The following UNC80 variants were observed in gnomAD, a reference collection of about 807,000 sequenced individuals.
UNC80 encodes unc-80 subunit of NALCN channel complex.
In UNC80, 164 loss-of-function variants were observed where a neutral mutation model predicts 384.6. The observed-to-expected ratio is 0.43, with a 90% confidence interval of 0.38 to 0.49. UNC80 has a LOEUF of 0.49. UNC80 is among the 20% of genes least tolerant of loss of function. The pLI, the probability that UNC80 is intolerant of heterozygous loss-of-function variation, is 0.00. For missense variants in UNC80, 3,330 were observed against 4,143.0 expected (o/e 0.80, Z 5.39); for synonymous variants, 1,486 against 1,527.8 (o/e 0.97, Z 0.64).
At chr2:209,954,767 T>A (rs921034323) in intron 48 of UNC80, among the ~76,000 whole-genome samples, 4 of 152,210 alleles carry the variant, frequency 2.6e-5, no homozygotes, top group Non-Finnish European at 4.4e-5. Flanking sequence ...AACAGCAGAA[T>A]GTTATCCTAC....
At chr2:209,825,857 C>T (rs1351847288) in intron 13 of UNC80, 50 bp from the exon 14 acceptor site, 27 of 1,447,970 alleles carry the variant, frequency 1.9e-5, no homozygotes, top group Non-Finnish European at 2.1e-5. Context: ...AAAAGGACCT[C>T]AGTGACAAAG....
chr2:209,883,623 T>C (rs2085499019), intron 25 of UNC80, among the ~76,000 whole-genome samples: 1 of 151,862 alleles, frequency 6.6e-6, no homozygotes, highest in Non-Finnish European at 1.5e-5. Flanking sequence ...TTAGTAGAGA[T>C]GGGGTTTCAC....
Position 209,918,649 on chromosome 2 carries a change from A to T in UNC80, c.5329A>T (p.Asn1777Tyr). 1 of 1,548,280 alleles carries T rather than the reference A, an allele frequency of 6.5e-7. No individual in the cohort carries two copies. Among genetic ancestry groups the T allele is most frequent in the Non-Finnish European group, 8.7e-7 (1 of 1,144,662 alleles). The change falls in exon 33 of 65, where the codon AAT (asparagine) becomes TAT (tyrosine). Residue 1777 changes from asparagine to tyrosine, a missense_variant. Asn to Tyr is a moderately radical substitution (Grantham distance 143). Coordinates refer to ENST00000673920, the MANE Select transcript of UNC80 (RefSeq NM_001371986.1). The stretch of plus-strand genomic sequence containing the variant: ...CAGCGGGAGTGTCCAGGACCCCATT[A>T]ATGAAGACCAGTCTGTGAGTAACAG... Reference protein sequence around the residue: ...QCSGSVQDPINEDQSKSFSAR... With the variant: ...QCSGSVQDPIYEDQSKSFSAR...
intron 51 of UNC80, among the ~76,000 whole-genome samples, chr2:209,964,555 G>C (rs1013114475): frequency 4.6e-5 from 7 of 152,048 alleles, no homozygotes; most frequent in Non-Finnish European, 8.8e-5. Context: ...TTGGGAGGAC[G>C]AGTTGGGCAG....
intron 4 of UNC80, among the ~76,000 whole-genome samples, chr2:209,781,062 C>T (rs1396760561): frequency 6.6e-6 from 1 of 152,182 alleles, no homozygotes; most frequent in African/African-American, 2.4e-5. Context: ...CCACTCAGCA[C>T]TTAGTGTTGC....
At chr2:209,979,714 C>T (rs2093110264) in intron 59 of UNC80, among the ~76,000 whole-genome samples, 1 of 152,128 alleles carries the variant, frequency 6.6e-6, no homozygotes. Flanking sequence ...CTTAATATTG[C>T]ATTAATTATT....
chr2:209,899,576 G>A (rs2087165549), intron 28 of UNC80, among the ~76,000 whole-genome samples: 1 of 152,148 alleles, frequency 6.6e-6, no homozygotes, highest in Admixed American at 6.5e-5. Flanking sequence ...CAACAAAGAA[G>A]CAGATCACCT....
intron 4 of UNC80, 147 bp from the exon 5 acceptor site, chr2:209,785,919 C>T: frequency 1.1e-6 from 1 of 890,282 alleles, no homozygotes. Flanking sequence ...ACTCTAGAAA[C>T]ATTCATCTGA....
chr2:209,927,726 C>G (rs900474153), intron 36 of UNC80, among the ~76,000 whole-genome samples: 9 of 152,162 alleles, frequency 5.9e-5, no homozygotes, highest in African/African-American at 2.2e-4. Flanking sequence ...AACAGAGTTT[C>G]ATGATATGTA....
At chr2:209,783,597 A>T (rs1423321041) in intron 4 of UNC80, among the ~76,000 whole-genome samples, 1 of 152,162 alleles carries the variant, frequency 6.6e-6, no homozygotes, top group African/African-American at 2.4e-5. Context: ...CTACTTGGAG[A>T]TGTATTTAGT....
intron 56 of UNC80, among the ~76,000 whole-genome samples, chr2:209,975,670 T>C (rs1158004294): frequency 6.6e-6 from 1 of 152,240 alleles, no homozygotes; most frequent in African/African-American, 2.4e-5. Flanking sequence ...AACACAAATA[T>C]TTATTTTTAT....
chr2:209,995,144 A>G (rs1306062291), intron 64 of UNC80, among the ~76,000 whole-genome samples, 185 bp from the exon 65 acceptor site: 3 of 152,242 alleles, frequency 2.0e-5, no homozygotes, highest in Non-Finnish European at 4.4e-5. Context: ...TTCATGTTAC[A>G]TGTTCAAAAA....
chr2:209,930,124 A>G (rs996776723), intron 37 of UNC80, among the ~76,000 whole-genome samples, 153 bp downstream of exon 37: 1 of 152,264 alleles, frequency 6.6e-6, no homozygotes, highest in Non-Finnish European at 1.5e-5. Context: ...ATGATGAGCA[A>G]TACTTAACTT....
At position 209,941,332 on chromosome 2, in the gene UNC80, T is replaced by C. The variant is rs528391043; in HGVS notation, c.6758T>C (p.Met2253Thr). ...PSEFPWGDEI[M>T]LFLNVFNGAL... Reference sequence around the variant, plus strand: ...GAGTTTCCATGGGGAGACGAAATCATGCTTTTCCTCAACGTTTTTAACGGG... The same window carrying C: ...GAGTTTCCATGGGGAGACGAAATCACGCTTTTCCTCAACGTTTTTAACGGG... Residue 2253 changes from methionine to threonine, a missense_variant, in exon 44 of 65, where the codon ATG (methionine) becomes ACG (threonine). By Grantham distance (81) the Met-to-Thr change is moderately conservative. Around this residue, in one of 8 missense-constraint regions of UNC80, gnomAD observed 1,049 missense variants for 1,488.6 expected, o/e 0.70. Transcript: ENST00000673920. 274 of 1,551,198 alleles carry C rather than the reference T, an allele frequency of 1.8e-4. 2 individuals are homozygous for C. The East Asian group carries it at 6.1e-3, about 34-fold the overall frequency.
chr2:209,922,337 C>T lies in UNC80; in HGVS notation c.5616C>T (p.Phe1872=), dbSNP rs2090100749. Reference sequence around the variant, plus strand: ...GCACTTCCCACAGGAATTATTCCTTCCGCCGCGGGTCAGTCTGGTCAGTGC... The same window carrying T: ...GCACTTCCCACAGGAATTATTCCTTTCGCCGCGGGTCAGTCTGGTCAGTGC... ...TSSTSHRNYS[F]RRGSVWSVRS... Residue 1872 remains phenylalanine, a synonymous_variant, in exon 35 of 65, where the codon TTC becomes TTT. Coordinates refer to ENST00000673920, the MANE Select transcript of UNC80 (RefSeq NM_001371986.1). 1.3e-6 allele frequency: 2 copies of T among 1,551,794 alleles called. No individual in the cohort carries two copies. Among genetic ancestry groups the T allele is most frequent in the Admixed American group, 2.0e-5 (1 of 50,976 alleles).
At chr2:209,905,021 A>G (rs764205810) in intron 29 of UNC80, 56 bp downstream of exon 29, 33 of 1,524,954 alleles carry the variant, frequency 2.2e-5, no homozygotes, top group South Asian at 2.4e-5. Context: ...TGTCATAACA[A>G]TTTCTTCTCT....
chr2:209,834,347 G>A (rs1292932471), intron 17 of UNC80, among the ~76,000 whole-genome samples, 179 bp downstream of exon 17: 1 of 152,204 alleles, frequency 6.6e-6, no homozygotes, highest in African/African-American at 2.4e-5. Flanking sequence ...TGAATTTACT[G>A]TCAAATAAAT....
intron 22 of UNC80, among the ~76,000 whole-genome samples, chr2:209,866,482 A>G (rs1253468052): frequency 2.5e-5 from 3 of 118,152 alleles, no homozygotes; most frequent in African/African-American, 1.3e-4. Context: ...ATAATACAAA[A>G]TGCACCCCCA....
At chr2:209,978,210 G>A (rs529208608) in intron 58 of UNC80, among the ~76,000 whole-genome samples, 2 of 152,168 alleles carry the variant, frequency 1.3e-5, no homozygotes, top group African/African-American at 4.8e-5. Context: ...TACAATTCAG[G>A]TCAAATTTAA....
Sources: gnomAD v4.1 joint callset for allele counts (sites outside exome capture counted in the v4.1 genomes callset) on GRCh38, gnomAD v4.1.1 for gene constraint, gnomAD v4.1.1 regional missense constraint, MANE v1.5 for transcripts, NCBI Gene and HGNC (gene_info 2026-07-23, HGNC 2026-07-21) for gene names.